HGD: variants seen among roughly 807,000 people sequenced by gnomAD.
HGD encodes homogentisate 1,2-dioxygenase.
In HGD, 61 loss-of-function variants were observed where a neutral mutation model predicts 60.8. The observed-to-expected ratio is 1.00, with a 90% CI of 0.82 to 1.24. The LOEUF is 1.24. Among genes scored for constraint, HGD ranks in the 50% most tolerant of loss-of-function variants. The pLI is 0.00. For missense variants in HGD, 542 were observed against 547.1 expected (o/e 0.99, Z 0.09); for synonymous variants, 212 against 187.7 (o/e 1.13, Z -1.06).
intron 13 of HGD, among the ~76,000 whole-genome samples, chr3:120,630,909 G>T (rs1321702680): frequency 7.2e-6 from 1 of 138,112 alleles, no homozygotes; most frequent in Non-Finnish European, 1.5e-5. Context: ...CCATAAAAAA[G>T]AACAAGATCA....
At chr3:120,655,080 AAAC>A (rs1170812331) in intron 4 of HGD, among the ~76,000 whole-genome samples, 12 of 152,128 alleles carry the variant, frequency 7.9e-5, no homozygotes, top group African/African-American at 2.4e-4. Context: ...AAAAAACAAA[AAAC>A]AACAAAAACA....
chr3:120,666,608 G>A (rs559021974), intron 4 of HGD, among the ~76,000 whole-genome samples: 8 of 152,150 alleles, frequency 5.3e-5, no homozygotes, highest in Admixed American at 1.3e-4. Context: ...TCAGCCTCCC[G>A]AGTAGTTGGG....
chr3:120,630,705 A>G (rs912757956), intron 13 of HGD, among the ~76,000 whole-genome samples: 2 of 151,742 alleles, frequency 1.3e-5, no homozygotes. Context: ...CATTCAGGAC[A>G]TCAGCATGGG....
chr3:120,670,331 CT>C, intron 4 of HGD, 95 bp downstream of exon 4: 1 of 766,278 alleles, frequency 1.3e-6, no homozygotes, highest in Non-Finnish European at 2.4e-6. Context: ...CTTTAAAAAA[CT>C]ATCTATTTTT....
At position 120,652,698 on chromosome 3, in the gene HGD, C is replaced by A. The variant is rs187059882; in HGVS notation, c.283-47G>T. On this transcript the variant is annotated intron_variant, in intron 4 of 13. Coordinates refer to ENST00000283871, the MANE Select transcript of HGD (RefSeq NM_000187.4). ...AGAAAAATTACTTCACAAGGGTAAA[C>A]CATAGACCTTCTAAATAAATAGCAT... The A allele has an allele frequency of 8.6e-6, 11 of 1,286,138 alleles. No homozygotes were observed. In the Admixed American group the frequency reaches 1.7e-4, roughly 20 times the overall value. 79.7% of individuals were successfully genotyped at this position (1,286,138 alleles called of 1,614,324 possible). A position where few individuals can be genotyped will look rare whatever the true frequency, so the allele number is the denominator to read the frequency against.
chr3:120,656,563 T>TGGG (rs540184739), intron 4 of HGD, among the ~76,000 whole-genome samples: 3 of 148,894 alleles, frequency 2.0e-5, no homozygotes, highest in African/African-American at 7.4e-5. Context: ...ATCTTTTTTT[T>TGGG]GGGGGGGGGT....
Position 120,678,769 on chromosome 3 carries a change from CAG to C in HGD, c.16-2908_16-2907del, listed in dbSNP as rs568357908. Reference sequence around the variant, plus strand: ...TTCTAATCCCCTGAGAGAAAAAGTACAGAGTTTATTGCAGCTTTAAAATGCCA... The same window carrying C: ...TTCTAATCCCCTGAGAGAAAAAGTACAGTTTATTGCAGCTTTAAAATGCCA... On this transcript the variant is annotated intron_variant, in intron 1 of 13. Transcript: ENST00000283871. Among the ~76,000 whole-genome samples, 1,093 of 152,250 alleles carry C rather than the reference CAG, an allele frequency of 7.2e-3. 8 individuals are homozygous for C. Among genetic ancestry groups the C allele is most frequent in the African/African-American group, 0.024 (1,010 of 41,542 alleles).
chr3:120,646,328 G>A lies in HGD; in HGVS notation c.588C>T (p.Thr196=). 1 of 1,613,494 alleles carries A rather than the reference G, an allele frequency of 6.2e-7. No individual in the cohort carries two copies. Among genetic ancestry groups the A allele is most frequent in the African/African-American group, 1.3e-5 (1 of 74,958 alleles). ...CATAGACCTCCAAGATGTAGCCCCT[G>A]GTCTCCTCAAAGACATCTATGCTGA... The part of the protein sequence containing the change: ...MRFSIDVFEE[T]RGYILEVYGV... The change falls in exon 9 of 14, where the codon ACC becomes ACT. Residue 196 remains threonine (T), a synonymous_variant. Coordinates refer to ENST00000283871, the MANE Select transcript of HGD (RefSeq NM_000187.4).
intron 4 of HGD, among the ~76,000 whole-genome samples, chr3:120,664,289 G>A (rs533801827): frequency 1.3e-5 from 2 of 151,946 alleles, no homozygotes; most frequent in African/African-American, 4.8e-5. Flanking sequence ...GGGAAAAACT[G>A]GAAAAAGGGG....
rs1303650564 is a variant in HGD at position 120,628,213 on chromosome 3, AG to A, written c.*166del. ...AAGTTTATTGAGTAATTAAGGTGAC[AG>A]CCATAGAACTTTGCAAATGCGTTTC... On this transcript the variant is annotated 3_prime_UTR_variant, in exon 14 of 14. Transcript: ENST00000283871. 7.0e-6 allele frequency: 5 copies of A among 709,542 alleles called. 1 individual carries two copies. Among genetic ancestry groups the A allele is most frequent in the Non-Finnish European group, 1.2e-5 (5 of 408,852 alleles). 44.0% of individuals were successfully genotyped at this position (709,542 alleles called of 1,614,324 possible).
intron 10 of HGD, among the ~76,000 whole-genome samples, chr3:120,643,915 G>C (rs931494037): frequency 5.3e-5 from 8 of 152,164 alleles, no homozygotes; most frequent in African/African-American, 1.9e-4. Flanking sequence ...GGTGGTATTG[G>C]AGACTATAAA....
intron 1 of HGD, among the ~76,000 whole-genome samples, chr3:120,677,595 T>C (rs1708155243): frequency 6.6e-6 from 1 of 152,220 alleles, no homozygotes; most frequent in African/African-American, 2.4e-5. Flanking sequence ...GCCCGAAACT[T>C]CATTAGCAAT....
At chr3:120,674,425 C>T (rs1253769426) in intron 3 of HGD, among the ~76,000 whole-genome samples, 2 of 152,056 alleles carry the variant, frequency 1.3e-5, no homozygotes, top group Non-Finnish European at 2.9e-5. Flanking sequence ...CCACAGTGGG[C>T]CATAATATGT....
At chr3:120,645,078 C>CT (rs1941118502) in intron 9 of HGD, among the ~76,000 whole-genome samples, 2 of 152,194 alleles carry the variant, frequency 1.3e-5, no homozygotes, top group African/African-American at 4.8e-5. Context: ...CAGTTTAACT[C>CT]TGAGAGGAGC....
chr3:120,665,151 A>G (rs1172723148), intron 4 of HGD, among the ~76,000 whole-genome samples: 3 of 152,228 alleles, frequency 2.0e-5, no homozygotes, highest in East Asian at 3.9e-4. Context: ...AGTTTGACAA[A>G]TTAGACAGCA....
At chr3:120,670,273 C>A (rs1325616240) in intron 4 of HGD, 154 bp downstream of exon 4, 2 of 670,224 alleles carry the variant, frequency 3.0e-6, no homozygotes, top group Admixed American at 2.1e-5. Context: ...ATACACCACC[C>A]AAGTTTGAGC....
At position 120,647,002 on chromosome 3, in the gene HGD, C is replaced by T. The variant is rs1468813871; in HGVS notation, c.520G>A (p.Val174Ile). The change falls in exon 8 of 14, where the codon GTA becomes ATA. Residue 174 changes from valine to isoleucine, a missense_variant. Transcript: ENST00000283871. ...LIYTEFGKML[V>I]QPNEICVIQR... ...ATGACGCAGATCTCATTGGGCTGTA[C>T]AAGCATCTTGCCAAACTCGGTGTAA... The T allele has an allele frequency of 3.1e-6, 5 of 1,614,052 alleles. No individual in the cohort carries two copies. Among genetic ancestry groups the T allele is most frequent in the East Asian group, 2.2e-5 (1 of 44,874 alleles).
chr3:120,651,040 T>C (rs1427691542), intron 5 of HGD, among the ~76,000 whole-genome samples, 175 bp from the exon 6 acceptor site: 1 of 152,218 alleles, frequency 6.6e-6, no homozygotes, highest in Non-Finnish European at 1.5e-5. Flanking sequence ...CTGACTCATG[T>C]TTGGTAGTTT....
chr3:120,646,736 T>G (rs1941177174), intron 8 of HGD, among the ~76,000 whole-genome samples: 2 of 152,088 alleles, frequency 1.3e-5, no homozygotes, highest in African/African-American at 2.4e-5. Flanking sequence ...ATGTAAATAT[T>G]TAGGAAAGTG....
Sources: gnomAD v4.1 joint callset for allele counts (sites outside exome capture counted in the v4.1 genomes callset) on GRCh38, gnomAD v4.1.1 for gene constraint, MANE v1.5 for transcripts, NCBI Gene and HGNC (gene_info 2026-07-23, HGNC 2026-07-21) for gene names.